Variants in UVRAG observed in about 807,000 individuals in gnomAD.
UVRAG encodes the protein UV radiation resistance associated.
Under a neutral mutation model 78.0 loss-of-function variants are expected in UVRAG, and 19 were observed. That is an observed-to-expected ratio of 0.24 (90% confidence interval 0.17 to 0.36). The LOEUF (loss-of-function observed/expected upper bound fraction) is 0.36, where lower values mean the gene tolerates loss of function less well. UVRAG is among the 10% of genes least tolerant of loss of function. The pLI is 1.00. For synonymous variants in UVRAG, 323 were observed against 324.6 expected, an observed-to-expected ratio of 1.00 and a Z score of 0.05; for missense variants, 740 against 853.8, an observed-to-expected ratio of 0.87 and a Z score of 1.66.
At chr11:75,825,001 G>A (rs1945480987) in intron 1 of UVRAG, among the ~76,000 whole-genome samples, 1 of 151,928 alleles carries the variant, frequency 6.6e-6, no homozygotes, top group African/African-American at 2.4e-5. Context: ...GTACTGGAAT[G>A]TGTACAGCTA....
In UVRAG at chr11:75,912,924, A is replaced by G. The variant is rs542855703; in HGVS notation, c.593+885A>G. ...ACTGTGTCCATTAATCTTAAGAAAC[A>G]TGATTTTGACTAAAGTAACCATATA... On this transcript the variant is annotated intron_variant, in intron 6 of 14. Transcript: ENST00000356136. Among the ~76,000 whole-genome samples, 12 of 152,326 alleles carry G rather than the reference A, an allele frequency of 7.9e-5. No homozygotes were observed. The South Asian group carries it at 2.5e-3, about 32-fold the overall frequency.
At chr11:75,944,891 C>CT (rs745675453) in intron 6 of UVRAG, among the ~76,000 whole-genome samples, 2 of 151,986 alleles carry the variant, frequency 1.3e-5, no homozygotes, top group Non-Finnish European at 1.5e-5. Flanking sequence ...GGGCAACAGT[C>CT]TGAGTAAAAA....
intron 7 of UVRAG, among the ~76,000 whole-genome samples, chr11:75,982,886 A>G (rs1178625631): frequency 6.6e-6 from 1 of 152,196 alleles, no homozygotes; most frequent in Non-Finnish European, 1.5e-5. Context: ...TGGATAGGCC[A>G]CATTTTATTT....
chr11:76,130,165 T>A (rs1952487474), intron 14 of UVRAG, among the ~76,000 whole-genome samples: 1 of 152,208 alleles, frequency 6.6e-6, no homozygotes. Context: ...ACCAACCCAT[T>A]CTTTACCTGG....
chr11:76,059,387 A>G (rs1431450025), intron 12 of UVRAG, among the ~76,000 whole-genome samples: 1 of 152,238 alleles, frequency 6.6e-6, no homozygotes, highest in Non-Finnish European at 1.5e-5. Flanking sequence ...TCAATCTGAC[A>G]GTGATATGGA....
chr11:75,910,150 A>C (rs533950258), intron 5 of UVRAG, among the ~76,000 whole-genome samples: 1 of 152,324 alleles, frequency 6.6e-6, no homozygotes, highest in East Asian at 1.9e-4. Context: ...TTGTCTAATT[A>C]AGTTGTCACA....
chr11:76,140,143 CTCT>C (rs1952688732), intron 14 of UVRAG, among the ~76,000 whole-genome samples: 1 of 106,566 alleles, frequency 9.4e-6, no homozygotes, highest in Non-Finnish European at 1.8e-5. Context: ...CTCTCTCTCT[CTCT>C]CTCCCTCCCT....
intron 1 of UVRAG, among the ~76,000 whole-genome samples, chr11:75,831,510 A>C (rs1356814195): frequency 6.6e-6 from 1 of 152,010 alleles, no homozygotes. Context: ...AAACAAAAAA[A>C]AAAAACAAAA....
At chr11:75,992,934 T>A (rs1187702383) in intron 8 of UVRAG, among the ~76,000 whole-genome samples, 1 of 152,220 alleles carries the variant, frequency 6.6e-6, no homozygotes, top group Non-Finnish European at 1.5e-5. Context: ...TTTGCTGATA[T>A]GAATATTACT....
intron 6 of UVRAG, among the ~76,000 whole-genome samples, chr11:75,922,171 C>A (rs1243540544): frequency 6.6e-6 from 1 of 152,000 alleles, no homozygotes; most frequent in Non-Finnish European, 1.5e-5. Flanking sequence ...TTAGTATACC[C>A]ATCCAAGAAC....
In UVRAG at chr11:76,141,372, G is replaced by A. The variant is rs1172786108; in HGVS notation, c.2059G>A (p.Val687Ile). The change falls in exon 15 of 15, where the codon GTA becomes ATA. Residue 687 changes from valine (V) to isoleucine (I), a missense_variant. Physicochemically the swap from Val to Ile is conservative, Grantham distance 29 (BLOSUM62 3). Coordinates refer to ENST00000356136, the MANE Select transcript of UVRAG (RefSeq NM_003369.4). ...AAGGATCTATGCACTGAATGAAAAC[G>A]TATCCAGCTTCCGCCGGCCGCGCAG... The part of the protein sequence containing the change: ...SRRIYALNEN[V>I]SSFRRPRRSS... 22 of 1,614,046 alleles carry A rather than the reference G, an allele frequency of 1.4e-5. No homozygotes were observed. The highest frequency in any genetic ancestry group is 4.5e-5 in the East Asian group (2 of 44,888).
At chr11:75,871,840 C>T (rs1480594192) in intron 3 of UVRAG, among the ~76,000 whole-genome samples, 1 of 152,150 alleles carries the variant, frequency 6.6e-6, no homozygotes, top group Non-Finnish European at 1.5e-5. Flanking sequence ...CTATCCTTGC[C>T]CAAACTTGGT....
intron 13 of UVRAG, among the ~76,000 whole-genome samples, chr11:76,071,114 A>G (rs756388864): frequency 6.6e-6 from 1 of 152,230 alleles, no homozygotes; most frequent in African/African-American, 2.4e-5. Context: ...AGAGACATAC[A>G]ATAAACAGAG....
At chr11:75,871,413 A>G (rs887364911) in intron 3 of UVRAG, among the ~76,000 whole-genome samples, 2 of 151,796 alleles carry the variant, frequency 1.3e-5, no homozygotes, top group Non-Finnish European at 2.9e-5. Context: ...CAGCCTCCCA[A>G]GTAGGTGAAG....
intron 13 of UVRAG, among the ~76,000 whole-genome samples, chr11:76,081,922 A>G (rs1026763618): frequency 2.0e-5 from 3 of 150,474 alleles, no homozygotes; most frequent in African/African-American, 7.4e-5. Flanking sequence ...CATGATGTAG[A>G]GTAAAAGAAC....
intron 4 of UVRAG, among the ~76,000 whole-genome samples, chr11:75,884,240 TTC>T (rs767650431): frequency 2.2e-4 from 29 of 132,174 alleles, no homozygotes; most frequent in Admixed American, 2.2e-4. Flanking sequence ...CTCTCTCTCT[TTC>T]TCTCTCTCTC....
chr11:75,859,726 G>A (rs1565349479), intron 2 of UVRAG, among the ~76,000 whole-genome samples: 1 of 151,672 alleles, frequency 6.6e-6, no homozygotes, highest in African/African-American at 2.4e-5. Context: ...TTTTTATATT[G>A]TGCTATAAAT....
In UVRAG at chr11:76,140,889, G is replaced by A; in HGVS notation, c.1576G>A (p.Ala526Thr). 2 of 1,614,094 alleles carry A rather than the reference G, an allele frequency of 1.2e-6. No individual in the cohort carries two copies. The highest frequency in any genetic ancestry group is 1.6e-4 in the Middle Eastern group (1 of 6,062). Residue 526 changes from alanine (A) to threonine (T), a missense_variant, in exon 15 of 15, where the codon GCA becomes ACA. Ala to Thr is a moderately conservative substitution (Grantham distance 58). Coordinates refer to ENST00000356136, the MANE Select transcript of UVRAG (RefSeq NM_003369.4). ...AACCCCTCCTCCCAGTTACAACTCAGCATTAGCCCAGCCTGTGACCACCGT... is the reference window on the plus strand; with the variant it reads ...AACCCCTCCTCCCAGTTACAACTCAACATTAGCCCAGCCTGTGACCACCGT... The part of the protein sequence containing the change: ...YKTPPPSYNS[A>T]LAQPVTTVPS...
intron 12 of UVRAG, among the ~76,000 whole-genome samples, chr11:76,031,934 C>G (rs1950445314): frequency 6.6e-6 from 1 of 152,130 alleles, no homozygotes; most frequent in Admixed American, 6.6e-5. Context: ...ATGAAGTAAT[C>G]ATTGAATTTA....
Sources: gnomAD v4.1 joint callset for allele counts (sites outside exome capture counted in the v4.1 genomes callset) on GRCh38, gnomAD v4.1.1 for gene constraint, MANE v1.5 for transcripts, NCBI Gene and HGNC (gene_info 2026-07-23, HGNC 2026-07-21) for gene names.